PALM2AKAP2: variants seen among roughly 807,000 people sequenced by gnomAD.
PALM2AKAP2 encodes the protein PALM2 and AKAP2 fusion, also known as PALM2-AKAP2 fusion protein.
In PALM2AKAP2, 37 loss-of-function variants were observed where a neutral mutation model predicts 71.5. The observed-to-expected ratio is 0.52, with a 90% CI of 0.40 to 0.68. The LOEUF (loss-of-function observed/expected upper bound fraction) is 0.68, where lower values mean the gene tolerates loss of function less well. Ranked by LOEUF, PALM2AKAP2 falls within the 30% of genes least tolerant of loss-of-function variation. PALM2AKAP2 has a pLI of 0.00. For missense variants in PALM2AKAP2, 1,224 were observed against 1,191.8 expected (o/e 1.03, Z -0.40); for synonymous variants, 468 against 478.8 (o/e 0.98, Z 0.29).
At chr9:110,157,444 G>A (rs2119226358) in intron 3 of PALM2AKAP2, among the ~76,000 whole-genome samples, 1 of 152,148 alleles carries the variant, frequency 6.6e-6, no homozygotes, top group Middle Eastern at 3.4e-3. Flanking sequence ...TGTCACCCAG[G>A]CTGGAATGCA....
At chr9:110,040,876 A>C (rs1372874574) in intron 7 of PALM2AKAP2, among the ~76,000 whole-genome samples, 1 of 152,204 alleles carries the variant, frequency 6.6e-6, no homozygotes, top group Non-Finnish European at 1.5e-5. Flanking sequence ...AGCTGTGTAC[A>C]TTCCAAGTAT....
intron 1 of PALM2AKAP2, among the ~76,000 whole-genome samples, chr9:109,768,036 A>AGGCAGGTAGGTAGG (rs879480476): frequency 0.35 from 35,944 of 102,374 alleles, 7,413 homozygotes; most frequent in African/African-American, 0.57. Flanking sequence ...AAGGAAAGAA[A>AGGCAGGTAGGTAGG]AAGAGGGAAG....
intron 6 of PALM2AKAP2, among the ~76,000 whole-genome samples, chr9:109,993,435 G>A (rs1588048563): frequency 6.6e-6 from 1 of 152,120 alleles, no homozygotes; most frequent in Non-Finnish European, 1.5e-5. Flanking sequence ...CTCTCATTGG[G>A]CCAACTCTGT....
rs150929362 is a variant in PALM2AKAP2, at chr9:109,739,641, C to T, written c.6-40847C>T. 8.4e-3 allele frequency among the ~76,000 whole-genome samples: 1,285 copies of T among 152,306 alleles called. 24 individuals carry two copies. The highest frequency in any genetic ancestry group is 0.03 in the African/African-American group (1,229 of 41,556). ...GTCTTGGAATCCAATTAGAGCCAGA[C>T]TCCAGGCCAGTTCTATGATACACCC... is the stretch of plus-strand genomic sequence containing the variant. On this transcript the variant is annotated intron_variant, in intron 1 of 6. Coordinates refer to the PALM2AKAP2 transcript ENST00000374531.
At chr9:109,928,867 A>G (rs79024380) in intron 5 of PALM2AKAP2, among the ~76,000 whole-genome samples, 5,419 of 152,098 alleles carry the variant, frequency 0.036, 188 homozygotes, top group East Asian at 0.14. Context: ...GGGTTTCACC[A>G]TGTTGGCCAT....
intron 1 of PALM2AKAP2, among the ~76,000 whole-genome samples, chr9:110,125,307 G>C (rs1213953329): frequency 6.6e-6 from 1 of 152,176 alleles, no homozygotes; most frequent in African/African-American, 2.4e-5. Flanking sequence ...CTGCCTCCCT[G>C]CTCAGCCTTG....
chr9:109,732,411 G>T (rs914355692), intron 1 of PALM2AKAP2, among the ~76,000 whole-genome samples: 3 of 152,178 alleles, frequency 2.0e-5, no homozygotes, highest in Non-Finnish European at 4.4e-5. Flanking sequence ...GATTAATGAG[G>T]TATCTTTGGG....
chr9:109,773,311 T>A (rs7037319), intron 1 of PALM2AKAP2, among the ~76,000 whole-genome samples: 75,722 of 151,752 alleles, frequency 0.5, 20,880 homozygotes, highest in African/African-American at 0.73. Flanking sequence ...AATTTAAATT[T>A]TTTTTTGTAG....
intron 1 of PALM2AKAP2, among the ~76,000 whole-genome samples, chr9:109,730,950 A>G (rs1174896966): frequency 6.6e-6 from 1 of 152,112 alleles, no homozygotes; most frequent in Non-Finnish European, 1.5e-5. Context: ...TAATTAACAA[A>G]CCATCTGGTG....
intron 1 of PALM2AKAP2, among the ~76,000 whole-genome samples, chr9:110,094,746 G>C (rs1316988940): frequency 2.0e-5 from 3 of 152,124 alleles, no homozygotes; most frequent in African/African-American, 4.8e-5. Flanking sequence ...ATTACAATTC[G>C]ACATGAGATT....
intron 1 of PALM2AKAP2, among the ~76,000 whole-genome samples, chr9:109,698,961 T>A (rs1342226818): frequency 6.6e-6 from 1 of 152,246 alleles, no homozygotes; most frequent in Non-Finnish European, 1.5e-5. Context: ...TATGCATGTA[T>A]AATTATATAA....
chr9:109,855,876 G>T (rs1259379504), intron 1 of PALM2AKAP2, among the ~76,000 whole-genome samples: 1 of 152,144 alleles, frequency 6.6e-6, no homozygotes, highest in Non-Finnish European at 1.5e-5. Flanking sequence ...TGTTCTTAAG[G>T]TAGAAAATTA....
chr9:109,811,638 C>G (rs563222260), intron 1 of PALM2AKAP2, among the ~76,000 whole-genome samples: 10 of 152,272 alleles, frequency 6.6e-5, no homozygotes, highest in Admixed American at 6.5e-4. Context: ...GTACCATGAT[C>G]ATAGCTCACT....
chr9:109,753,861 G>A (rs758953467), intron 1 of PALM2AKAP2, among the ~76,000 whole-genome samples: 13 of 151,682 alleles, frequency 8.6e-5, no homozygotes, highest in African/African-American at 1.7e-4. Context: ...TACATTTTTC[G>A]GATTTCAAAA....
chr9:110,080,431 G>T (rs1834424030), intron 1 of PALM2AKAP2, among the ~76,000 whole-genome samples: 1 of 152,080 alleles, frequency 6.6e-6, no homozygotes, highest in Non-Finnish European at 1.5e-5. Context: ...TATTTAATAG[G>T]AGTTGCCAAT....
chr9:109,733,663 C>T (rs1828587603), intron 1 of PALM2AKAP2, among the ~76,000 whole-genome samples: 1 of 152,188 alleles, frequency 6.6e-6, no homozygotes. Context: ...GCTTTTATCT[C>T]CCAGACAAGG....
intron 1 of PALM2AKAP2, chr9:110,128,036 T>C (rs1835653507): frequency 6.6e-6 from 1 of 152,364 alleles, no homozygotes. Flanking sequence ...GTTCAACTTC[T>C]GTTCCCTTCC....
chr9:109,997,256 G>C (rs1832591620), intron 6 of PALM2AKAP2, among the ~76,000 whole-genome samples: 1 of 152,116 alleles, frequency 6.6e-6, no homozygotes, highest in African/African-American at 2.4e-5. Flanking sequence ...TCCATCACTT[G>C]TTAGCTCAGT....
intron 1 of PALM2AKAP2, among the ~76,000 whole-genome samples, chr9:109,810,795 G>A (rs1827707025): frequency 6.6e-6 from 1 of 152,162 alleles, no homozygotes; most frequent in African/African-American, 2.4e-5. Context: ...ACTGCTAGAA[G>A]GAAGCACTTG....
Sources: allele counts gnomAD v4.1 joint callset (sites outside exome capture counted in the v4.1 genomes callset), GRCh38; gene constraint gnomAD v4.1.1; transcripts MANE v1.5; gene names NCBI Gene and HGNC (gene_info 2026-07-23, HGNC 2026-07-21).